The following DYNC2H1 variants were observed in gnomAD, a reference collection of about 807,000 sequenced individuals.
DYNC2H1 encodes cytoplasmic dynein 2 heavy chain 1.
In DYNC2H1, 410 loss-of-function variants were observed where a neutral mutation model predicts 570.0. The ratio of observed to expected loss-of-function variants is 0.72; its 90% CI spans 0.66 to 0.78. The LOEUF is 0.78. Ranked by LOEUF, DYNC2H1 falls within the 30% of genes least tolerant of loss-of-function variation. DYNC2H1 has a pLI of 0.00. For synonymous variants in DYNC2H1, 1,688 were observed against 1,677.6 expected (o/e 1.01, Z -0.15); for missense variants, 4,865 against 5,046.4 (o/e 0.96, Z 1.09).
chr11:103,257,185 C>A (rs974053909), intron 68 of DYNC2H1, among the ~76,000 whole-genome samples: 1 of 152,028 alleles, frequency 6.6e-6, no homozygotes, highest in Non-Finnish European at 1.5e-5. Flanking sequence ...AGTTTTTTAG[C>A]CCCTTCCAGC....
Position 103,153,451 on chromosome 11 carries a change from T to C in DYNC2H1, c.3245T>C (p.Leu1082Ser). ...QHNTLDKSAK[L>S]IKEKKIEFDD... ...AATACTCTTGATAAAAGTGCAAAGT[T>C]AATAAAAGAGAAAAAAATTGAGTTT... The change falls in exon 22 of 89, where the codon TTA (leucine) becomes TCA (serine). Residue 1082 changes from leucine to serine, a missense_variant. Physicochemically the swap from Leu to Ser is moderately radical, Grantham distance 145. This residue lies in a region of DYNC2H1 where 1,936 missense variants were observed against 1,962.1 expected (regional missense o/e 0.99). Coordinates refer to ENST00000375735, the MANE Select transcript of DYNC2H1 (RefSeq NM_001377.3). 6.4e-7 allele frequency: 1 copy of C among 1,569,224 alleles called. No individual in the cohort carries two copies. The highest frequency in any genetic ancestry group is 8.6e-7 in the Non-Finnish European group (1 of 1,158,110).
At chr11:103,258,793 T>C (rs908684359) in intron 69 of DYNC2H1, among the ~76,000 whole-genome samples, 1 of 152,224 alleles carries the variant, frequency 6.6e-6, no homozygotes, top group Non-Finnish European at 1.5e-5. Flanking sequence ...CACAAATCTA[T>C]GTAGAGTACA....
rs943299941 is a variant in DYNC2H1, at chr11:103,157,745, A to G, written c.4128-932A>G. On this transcript the variant is annotated intron_variant, in intron 26 of 88. Coordinates refer to ENST00000375735, the MANE Select transcript of DYNC2H1 (RefSeq NM_001377.3). This position sits in a 1 kb window ranked among gnomAD's most constrained non-coding sequence, Gnocchi z 4.2. The stretch of plus-strand genomic sequence containing the variant: ...AGTAATTGTTTAAAAATGCAGGTTC[A>G]GCACTTTCTTTTACTCCTGTAAATA... Among the ~76,000 whole-genome samples the G allele has an allele frequency of 3.9e-5, 6 of 152,252 alleles. No individual in the cohort carries two copies. The highest frequency in any genetic ancestry group is 1.4e-4 in the African/African-American group (6 of 41,468).
intron 85 of DYNC2H1, among the ~76,000 whole-genome samples, chr11:103,437,641 C>T (rs1390515331): frequency 1.3e-5 from 2 of 152,106 alleles, no homozygotes; most frequent in Non-Finnish European, 2.9e-5. Flanking sequence ...TCACTAAATG[C>T]TGGAAGGAAG....
intron 83 of DYNC2H1, among the ~76,000 whole-genome samples, chr11:103,383,630 C>T (rs575180133): frequency 4.1e-5 from 6 of 146,088 alleles, no homozygotes; most frequent in African/African-American, 1.0e-4. Flanking sequence ...CCCACCACCA[C>T]GCCCAGCTAA....
intron 1 of DYNC2H1, 24 bp from the exon 2 acceptor site, chr11:103,113,513 A>T: frequency 6.7e-7 from 1 of 1,484,558 alleles, no homozygotes; most frequent in Admixed American, 2.4e-5. Flanking sequence ...TGAAGATAAC[A>T]TTAAAAATCA....
At chr11:103,475,100 A>C (rs1376120117) in intron 88 of DYNC2H1, among the ~76,000 whole-genome samples, 2 of 152,198 alleles carry the variant, frequency 1.3e-5, no homozygotes, top group African/African-American at 4.8e-5. Context: ...GATTCAAATG[A>C]GTGTAAAATT....
At chr11:103,212,627 G>C (rs943085833) in intron 54 of DYNC2H1, among the ~76,000 whole-genome samples, 11 of 151,876 alleles carry the variant, frequency 7.2e-5, no homozygotes, top group African/African-American at 1.2e-4. Context: ...TAACTATAAA[G>C]CTTTAACTTA....
chr11:103,242,824 G>A (rs1350105069), intron 63 of DYNC2H1, among the ~76,000 whole-genome samples: 1 of 151,862 alleles, frequency 6.6e-6, no homozygotes, highest in Non-Finnish European at 1.5e-5. Context: ...GGGTTCAAGC[G>A]ATTCTTCTGC....
intron 82 of DYNC2H1, 145 bp from the exon 83 acceptor site, chr11:103,358,098 G>A: frequency 2.0e-6 from 1 of 488,170 alleles, no homozygotes; most frequent in Non-Finnish European, 3.6e-6. Flanking sequence ...GCCAATTGAA[G>A]AGAGATAATA....
intron 84 of DYNC2H1, chr11:103,403,552 A>G (rs942405631): frequency 6.6e-5 from 10 of 152,206 alleles, no homozygotes; most frequent in African/African-American, 2.2e-4. Context: ...TTCTAGGACA[A>G]TAGGTATAAA....
At chr11:103,418,174 TA>T (rs36086769) in intron 84 of DYNC2H1, among the ~76,000 whole-genome samples, 76,160 of 151,448 alleles carry the variant, frequency 0.5, 19,367 homozygotes, top group African/African-American at 0.59. Flanking sequence ...TCCTAGCTAG[TA>T]AAAATATTAA....
intron 29 of DYNC2H1, among the ~76,000 whole-genome samples, chr11:103,161,932 G>A (rs1170193274): frequency 6.6e-6 from 1 of 152,188 alleles, no homozygotes; most frequent in Non-Finnish European, 1.5e-5. Context: ...CCATGTGCAT[G>A]TCCATACAGC....
chr11:103,133,438 T>A lies in DYNC2H1; in HGVS notation c.1954-117T>A. ...TCATTTATAAAATGGAAAATTATTA[T>A]GTGCTTTCTTTGTTGCAGGTCAGAG... On this transcript the variant is annotated intron_variant, in intron 13 of 88. Transcript: ENST00000375735. The surrounding 1 kb of genome is among the most constrained non-coding windows in gnomAD (Gnocchi z 4.8). The A allele has an allele frequency of 1.1e-6, 1 of 889,200 alleles. No individual in the cohort carries two copies. 55.1% of individuals were successfully genotyped at this position (889,200 alleles called of 1,614,324 possible). A position where few individuals can be genotyped will look rare whatever the true frequency, so the allele number is the denominator to read the frequency against.
At chr11:103,128,448 T>C (rs1283506575) in intron 12 of DYNC2H1, among the ~76,000 whole-genome samples, 2 of 152,194 alleles carry the variant, frequency 1.3e-5, no homozygotes, top group Non-Finnish European at 2.9e-5. Flanking sequence ...TTTGAGAGTA[T>C]AGGCAATAGA....
intron 87 of DYNC2H1, among the ~76,000 whole-genome samples, chr11:103,463,828 T>G (rs1565622357): frequency 6.6e-6 from 1 of 152,118 alleles, no homozygotes. Flanking sequence ...TCTGTAGGCT[T>G]AAGAAAGCTG....
At chr11:103,376,711 GA>G (rs1483749835) in intron 83 of DYNC2H1, among the ~76,000 whole-genome samples, 1 of 152,174 alleles carries the variant, frequency 6.6e-6, no homozygotes, top group Non-Finnish European at 1.5e-5. Flanking sequence ...CTAAAGGATT[GA>G]AAGATTTACA....
chr11:103,303,099 A>G lies in DYNC2H1; in HGVS notation c.11102A>G (p.Lys3701Arg), dbSNP rs1273035085. Residue 3701 changes from lysine (K) to arginine (R), a missense_variant, in exon 76 of 89, where the codon AAA (lysine) becomes AGA (arginine). Physicochemically the swap from Lys to Arg is conservative, Grantham distance 26. Coordinates refer to ENST00000375735, the MANE Select transcript of DYNC2H1 (RefSeq NM_001377.3). ...TTTAAAATATATATTTTAGGACTGA[A>G]AGAGGTGTCCCCACTGCCTCTAAAT... ...ALFACKTLGL[K>R]EVSPLPLNLK... 3 of 1,540,990 alleles carry G rather than the reference A, an allele frequency of 1.9e-6. No individual in the cohort carries two copies. The highest frequency in any genetic ancestry group is 2.6e-6 in the Non-Finnish European group (3 of 1,144,086).
rs748308021 is a variant in DYNC2H1 at position 103,287,614 on chromosome 11, G to A, written c.11095+9G>A. ...TGCATGTAAAACTCTGGGTAAGTGT[G>A]ATGCTTTTCAAGAACTAGACCACTG... On this transcript the variant is annotated intron_variant, in intron 75 of 88. Coordinates refer to ENST00000375735, the MANE Select transcript of DYNC2H1 (RefSeq NM_001377.3). The A allele has an allele frequency of 1.4e-5, 22 of 1,604,368 alleles. No homozygotes were observed. The highest frequency in any genetic ancestry group is 1.5e-5 in the Non-Finnish European group (18 of 1,175,866).
Sources: allele counts gnomAD v4.1 joint callset (sites outside exome capture counted in the v4.1 genomes callset), GRCh38; gene constraint gnomAD v4.1.1; regional missense constraint gnomAD v4.1.1; non-coding constraint Gnocchi (gnomAD v3.1); transcripts MANE v1.5; gene names NCBI Gene and HGNC (gene_info 2026-07-23, HGNC 2026-07-21).